The following XYLB variants were observed in gnomAD, a reference collection of about 807,000 sequenced individuals.
XYLB encodes the protein xylulose kinase.
XYLB carries 62 observed loss-of-function variants against 78.7 expected under a neutral mutation model. That is an observed-to-expected ratio of 0.79 (90% CI 0.64 to 0.97). The LOEUF (loss-of-function observed/expected upper bound fraction) is 0.97, where lower values mean the gene tolerates loss of function less well. Ranked by LOEUF, XYLB falls within the 50% of genes least tolerant of loss-of-function variation. The pLI, the probability that XYLB is intolerant of heterozygous loss-of-function variation, is 0.00. For missense variants in XYLB, 687 were observed against 676.8 expected (o/e 1.02, Z -0.17); for synonymous variants, 245 against 247.4 (o/e 0.99, Z 0.09).
chr3:38,355,061 C>T (rs1705575379), intron 2 of XYLB, among the ~76,000 whole-genome samples: 1 of 152,202 alleles, frequency 6.6e-6, no homozygotes, highest in Non-Finnish European at 1.5e-5. Flanking sequence ...GTAATTCCTC[C>T]CATCAAGGAG....
intron 9 of XYLB, 72 bp downstream of exon 9, chr3:38,370,246 A>G: frequency 4.9e-6 from 4 of 822,790 alleles, no homozygotes; most frequent in Middle Eastern, 2.9e-4. Context: ...TAGCGCACAC[A>G]CACACACACA....
At chr3:38,419,967 C>T (rs1220271921), downstream of XYLB, among the ~76,000 whole-genome samples, 12 of 151,954 alleles carry the variant, frequency 7.9e-5, no homozygotes, top group Admixed American at 6.6e-4. Flanking sequence ...TTACAGGCAC[C>T]CCCAACCATG....
At chr3:38,421,866 G>A (rs957602809), downstream of XYLB, among the ~76,000 whole-genome samples, 3 of 152,082 alleles carry the variant, frequency 2.0e-5, no homozygotes, top group African/African-American at 7.2e-5. Flanking sequence ...CTTTTCCAGA[G>A]GACACTGGGC....
chr3:38,364,503 C>G (rs1313700076), intron 4 of XYLB, among the ~76,000 whole-genome samples: 1 of 151,376 alleles, frequency 6.6e-6, no homozygotes, highest in Non-Finnish European at 1.5e-5. Context: ...AGGCTGTCCC[C>G]TCTCTCTTCA....
chr3:38,447,470 A>ATT, the XYLB span, among the ~76,000 whole-genome samples: 92 of 124,908 alleles, frequency 7.4e-4, 1 homozygote, highest in African/African-American at 1.5e-3. Flanking sequence ...CATCTGGCTA[A>ATT]TTTTTTTTTT....
chr3:38,431,435 T>C, the XYLB span, among the ~76,000 whole-genome samples: 1 of 152,230 alleles, frequency 6.6e-6, no homozygotes, highest in Non-Finnish European at 1.5e-5. Context: ...GCTTATCAGC[T>C]TAAGGAGATT....
At chr3:38,353,918 C>A (rs1705505321) in intron 2 of XYLB, among the ~76,000 whole-genome samples, 1 of 149,436 alleles carries the variant, frequency 6.7e-6, no homozygotes, top group African/African-American at 2.4e-5. Flanking sequence ...CCATCTTTAC[C>A]TCCATGATTT....
rs1228013523 is a variant in XYLB at position 38,414,954 on chromosome 3, A to G, written c.*1941A>G. 6.6e-6 allele frequency: 1 copy of G among 152,178 alleles called. No homozygotes were observed. The highest frequency in any genetic ancestry group is 1.5e-5 in the Non-Finnish European group (1 of 68,020). The allele number at this position is 152,178 out of a possible 1,614,324, so 9.4% of individuals were successfully genotyped here. On this transcript the variant is annotated 3_prime_UTR_variant, in exon 19 of 19. Coordinates refer to ENST00000207870, the MANE Select transcript of XYLB (RefSeq NM_005108.4). Reference sequence around the variant, plus strand: ...TTTAAAATTCAAATATTAAAACTCAAATAAACCCCAAAGAACTTTTGGAAA... The same window carrying G: ...TTTAAAATTCAAATATTAAAACTCAGATAAACCCCAAAGAACTTTTGGAAA...
intron 17 of XYLB, among the ~76,000 whole-genome samples, chr3:38,397,980 A>G (rs1462796264): frequency 1.3e-5 from 2 of 150,838 alleles, no homozygotes; most frequent in African/African-American, 2.4e-5. Flanking sequence ...CACCATGCCC[A>G]GCTAATTTTT....
chr3:38,452,165 A>G, the XYLB span: 1 of 152,214 alleles, frequency 6.6e-6, no homozygotes, highest in Admixed American at 6.5e-5. Flanking sequence ...GTCCCATACA[A>G]CACTGCTTCT....
chr3:38,443,356 G>C, the XYLB span, among the ~76,000 whole-genome samples: 1 of 152,138 alleles, frequency 6.6e-6, no homozygotes, highest in Non-Finnish European at 1.5e-5. Context: ...TTGTCCTCTG[G>C]GGCAGTGTGC....
At chr3:38,382,360 G>T (rs1707188664) in intron 15 of XYLB, among the ~76,000 whole-genome samples, 1 of 152,138 alleles carries the variant, frequency 6.6e-6, no homozygotes, top group African/African-American at 2.4e-5. Context: ...TGGAAGTCGG[G>T]ATAATTAGTA....
chr3:38,405,603 A>G (rs1219506070), intron 18 of XYLB, among the ~76,000 whole-genome samples: 1 of 152,218 alleles, frequency 6.6e-6, no homozygotes, highest in Admixed American at 6.5e-5. Flanking sequence ...CGAGAAGTGC[A>G]AGGGGTCAGG....
intron 2 of XYLB, chr3:38,355,858 G>C: frequency 1.4e-6 from 1 of 696,802 alleles, no homozygotes; most frequent in Non-Finnish European, 2.6e-6. Context: ...CCTACTGATT[G>C]TGCTTTACAT....
Position 38,369,135 on chromosome 3 carries a change from G to A in XYLB, c.646+878G>A, listed in dbSNP as rs1451114860. 3.9e-5 allele frequency among the ~76,000 whole-genome samples: 6 copies of A among 152,258 alleles called. No homozygotes were observed. In the East Asian group the frequency reaches 5.8e-4, roughly 15 times the overall value. On this transcript the variant is annotated intron_variant, in intron 8 of 18. Coordinates refer to ENST00000207870, the MANE Select transcript of XYLB (RefSeq NM_005108.4). ...TGGAGCCTGGGATGCTCTGAGCCTC[G>A]TGGGAATTCATGGGAAGTTTTCGAG... is the stretch of plus-strand genomic sequence containing the variant.
intron 3 of XYLB, 50 bp downstream of exon 3, chr3:38,360,458 G>A (rs767831901): frequency 6.1e-6 from 9 of 1,487,602 alleles, no homozygotes; most frequent in Non-Finnish European, 8.2e-6. Context: ...TGTCTCACTG[G>A]CAGACTCGGT....
intron 18 of XYLB, among the ~76,000 whole-genome samples, chr3:38,411,926 G>A (rs1407482671): frequency 2.0e-5 from 3 of 151,948 alleles, no homozygotes; most frequent in African/African-American, 7.3e-5. Context: ...CTTTTGTAGG[G>A]CATATGAGGT....
intron 16 of XYLB, among the ~76,000 whole-genome samples, chr3:38,396,323 G>T (rs1040041479): frequency 1.3e-5 from 2 of 152,202 alleles, no homozygotes; most frequent in African/African-American, 2.4e-5. Flanking sequence ...CCATCCTGGT[G>T]GGGAGGTGGG....
intron 15 of XYLB, among the ~76,000 whole-genome samples, chr3:38,384,816 G>A (rs1482474000): frequency 6.6e-6 from 1 of 151,944 alleles, no homozygotes; most frequent in Non-Finnish European, 1.5e-5. Context: ...GACCTGACAC[G>A]TGTGTGTGTG....
Sources: gnomAD v4.1 joint callset for allele counts (sites outside exome capture counted in the v4.1 genomes callset) on GRCh38, gnomAD v4.1.1 for gene constraint, MANE v1.5 for transcripts, NCBI Gene and HGNC (gene_info 2026-07-23, HGNC 2026-07-21) for gene names.